Variants in KCNIP4 observed in about 807,000 individuals in gnomAD.
KCNIP4 encodes the protein potassium voltage-gated channel interacting protein 4.
Under a neutral mutation model 34.0 loss-of-function variants are expected in KCNIP4, and 12 were observed. That is an observed-to-expected ratio of 0.35 (90% CI 0.23 to 0.57). KCNIP4 has a LOEUF of 0.57. Among genes scored for constraint, KCNIP4 ranks in the 20% least tolerant of loss-of-function variants. The pLI, the probability that KCNIP4 is intolerant of heterozygous loss-of-function variation, is 0.83. For synonymous variants in KCNIP4, 124 were observed against 102.2 expected (o/e 1.21, Z -1.29); for missense variants, 238 against 311.7 (o/e 0.76, Z 1.78).
chr4:20,946,979 T>C (rs572660327), intron 1 of KCNIP4, among the ~76,000 whole-genome samples: 135 of 152,274 alleles, frequency 8.9e-4, no homozygotes, highest in Non-Finnish European at 1.7e-3. Context: ...ATTTTTAGTA[T>C]ACTGCATAAG....
intron 1 of KCNIP4, among the ~76,000 whole-genome samples, chr4:21,043,412 A>G (rs974905977): frequency 7.2e-5 from 11 of 152,028 alleles, no homozygotes; most frequent in African/African-American, 2.7e-4. Context: ...ACACTGCAAC[A>G]TCTGCCTCCC....
chr4:20,981,227 C>T (rs540382317), intron 1 of KCNIP4, among the ~76,000 whole-genome samples: 2 of 152,152 alleles, frequency 1.3e-5, no homozygotes, highest in Non-Finnish European at 2.9e-5. Flanking sequence ...GCTGAGGAGA[C>T]CACTTGGCTT....
At chr4:20,746,840 C>G (rs988862169) in intron 5 of KCNIP4, among the ~76,000 whole-genome samples, 8 of 152,070 alleles carry the variant, frequency 5.3e-5, no homozygotes, top group Non-Finnish European at 1.0e-4. Context: ...TGGAAAACTC[C>G]CATTACCCTT....
At chr4:21,224,978 A>G (rs1758270497) in intron 1 of KCNIP4, among the ~76,000 whole-genome samples, 1 of 152,190 alleles carries the variant, frequency 6.6e-6, no homozygotes, top group African/African-American at 2.4e-5. Context: ...TCAACACCTT[A>G]TTATAAAATA....
intron 1 of KCNIP4, among the ~76,000 whole-genome samples, chr4:21,901,022 A>C (rs528359157): frequency 1.3e-5 from 2 of 152,312 alleles, no homozygotes; most frequent in African/African-American, 4.8e-5. Flanking sequence ...GCTACTTTTA[A>C]GGTAGAATTC....
chr4:20,890,861 C>A (rs1725846019), intron 1 of KCNIP4, among the ~76,000 whole-genome samples: 1 of 152,162 alleles, frequency 6.6e-6, no homozygotes, highest in Non-Finnish European at 1.5e-5. Flanking sequence ...GTCAGCCTAT[C>A]ATCATCTTGA....
rs189673440 is a variant in KCNIP4, at chr4:20,878,557, C to T, written c.163+4051G>A. On this transcript the variant is annotated intron_variant, in intron 2 of 8. Coordinates refer to ENST00000382152, the MANE Select transcript of KCNIP4 (RefSeq NM_025221.6). Reference sequence around the variant, plus strand: ...ACCTTTGTTTTCTTGTTTATTCTCTCTCTTCCTACATAAGCTCCAGGAAGG... The same window carrying T: ...ACCTTTGTTTTCTTGTTTATTCTCTTTCTTCCTACATAAGCTCCAGGAAGG... Among the ~76,000 whole-genome samples the T allele has an allele frequency of 1.8e-3, 279 of 152,312 alleles. 2 individuals carry two copies. Among genetic ancestry groups the T allele is most frequent in the African/African-American group, 6.4e-3 (268 of 41,570 alleles).
intron 1 of KCNIP4, among the ~76,000 whole-genome samples, chr4:21,542,538 T>C (rs1407102785): frequency 6.6e-6 from 1 of 151,960 alleles, no homozygotes; most frequent in Admixed American, 6.6e-5. Context: ...AAATTACCTT[T>C]ATTGATATTT....
intron 1 of KCNIP4, among the ~76,000 whole-genome samples, chr4:21,616,599 T>C (rs183655647): frequency 1.3e-5 from 2 of 152,120 alleles, no homozygotes; most frequent in Admixed American, 6.6e-5. Flanking sequence ...GACCAAACTT[T>C]CTCTGAAATC....
At chr4:21,528,323 C>T (rs1264722835) in intron 1 of KCNIP4, among the ~76,000 whole-genome samples, 4 of 151,950 alleles carry the variant, frequency 2.6e-5, no homozygotes, top group Non-Finnish European at 4.4e-5. Context: ...GCTTGACCAG[C>T]GACAGTTCAT....
intron 1 of KCNIP4, among the ~76,000 whole-genome samples, chr4:21,373,273 T>C (rs1322605510): frequency 1.4e-5 from 2 of 146,578 alleles, no homozygotes; most frequent in Non-Finnish European, 2.9e-5. Flanking sequence ...CAGTGAGTTA[T>C]CATCATGCCA....
chr4:21,890,447 G>A (rs907718084), intron 1 of KCNIP4, among the ~76,000 whole-genome samples: 2 of 152,172 alleles, frequency 1.3e-5, no homozygotes, highest in East Asian at 3.9e-4. Context: ...CAGATTTGAA[G>A]AGCCTAAAGA....
intron 1 of KCNIP4, among the ~76,000 whole-genome samples, chr4:21,001,148 C>T (rs764983637): frequency 1.3e-5 from 2 of 152,188 alleles, no homozygotes; most frequent in Admixed American, 6.5e-5. Context: ...AAATATCTAC[C>T]GAAAGCAACA....
At chr4:20,987,206 A>G (rs1206765946) in intron 1 of KCNIP4, among the ~76,000 whole-genome samples, 1 of 152,216 alleles carries the variant, frequency 6.6e-6, no homozygotes, top group Non-Finnish European at 1.5e-5. Context: ...TCTGGGGAAC[A>G]TAGTGAGACT....
chr4:21,485,187 C>T (rs1731800479), intron 1 of KCNIP4, among the ~76,000 whole-genome samples: 1 of 152,100 alleles, frequency 6.6e-6, no homozygotes, highest in Non-Finnish European at 1.5e-5. Flanking sequence ...ATAAATACTG[C>T]AACATTAAGT....
At chr4:21,893,250 C>G (rs1366117047) in intron 1 of KCNIP4, among the ~76,000 whole-genome samples, 1 of 152,134 alleles carries the variant, frequency 6.6e-6, no homozygotes, top group Non-Finnish European at 1.5e-5. Context: ...ATATCCAAAG[C>G]CTGAGTACAT....
chr4:21,593,204 C>T (rs896931447), intron 1 of KCNIP4, among the ~76,000 whole-genome samples: 14 of 151,380 alleles, frequency 9.2e-5, no homozygotes, highest in African/African-American at 3.4e-4. Context: ...GGGCAAGGAG[C>T]AGAGTGTTTG....
intron 3 of KCNIP4, among the ~76,000 whole-genome samples, chr4:20,834,344 A>G (rs978283317): frequency 1.3e-5 from 2 of 152,216 alleles, no homozygotes; most frequent in African/African-American, 4.8e-5. Flanking sequence ...ACTATGTGCC[A>G]GGAAAAGTAC....
At chr4:21,089,192 T>G (rs1028459886) in intron 1 of KCNIP4, among the ~76,000 whole-genome samples, 2 of 152,006 alleles carry the variant, frequency 1.3e-5, no homozygotes, top group African/African-American at 4.8e-5. Context: ...TGGTGGGAGG[T>G]AATTAGATCA....
Sources: allele counts gnomAD v4.1 joint callset (sites outside exome capture counted in the v4.1 genomes callset), GRCh38; gene constraint gnomAD v4.1.1; transcripts MANE v1.5; gene names NCBI Gene and HGNC (gene_info 2026-07-23, HGNC 2026-07-21).